YTHDC2: variants seen among roughly 807,000 people sequenced by gnomAD.
YTHDC2 encodes the protein 3'-5' RNA helicase YTHDC2.
Under a neutral mutation model 174.9 loss-of-function variants are expected in YTHDC2, and 45 were observed. The ratio of observed to expected loss-of-function variants is 0.26; its 90% CI spans 0.20 to 0.33. The LOEUF (loss-of-function observed/expected upper bound fraction) is 0.33, where lower values mean the gene tolerates loss of function less well. Ranked by LOEUF, YTHDC2 falls within the 10% of genes least tolerant of loss-of-function variation. The pLI is 1.00. For synonymous variants in YTHDC2, 657 were observed against 574.5 expected (o/e 1.14, Z -2.05); for missense variants, 1,650 against 1,723.7 (o/e 0.96, Z 0.76).
Position 113,553,245 on chromosome 5 carries a change from A to T in YTHDC2, c.1753A>T (p.Ser585Cys). The change falls in exon 13 of 30, where the codon AGT becomes TGT. Residue 585 changes from serine to cysteine, a missense_variant. Physicochemically the swap from Ser to Cys is moderately radical, Grantham distance 112. Coordinates refer to ENST00000161863, the MANE Select transcript of YTHDC2 (RefSeq NM_022828.5). ...GGTTCAAACAAATGGAAGTGACCTC[A>T]GTGCTGAAGACAGAGAGCTCCTGAA... Reference protein sequence around the residue: ...SLVQTNGSDLSAEDRELLKAY... With the variant: ...SLVQTNGSDLCAEDRELLKAY... 2.5e-6 allele frequency: 4 copies of T among 1,604,474 alleles called. No homozygotes were observed. Among genetic ancestry groups the T allele is most frequent in the Non-Finnish European group, 3.4e-6 (4 of 1,176,258 alleles).
Position 113,584,495 on chromosome 5 carries a change from A to C in YTHDC2, c.3825+16A>C, listed in dbSNP as rs531522176. 6.3e-7 allele frequency: 1 copy of C among 1,586,320 alleles called. No homozygotes were observed. The highest frequency in any genetic ancestry group is 1.3e-5 in the African/African-American group (1 of 74,276). ...CTCAGGAAAGGTAAGAGTATCTGAA[A>C]GAAAATGTAGTAAGGAACAGATTTG... On this transcript the variant is annotated intron_variant, in intron 26 of 29. Coordinates refer to ENST00000161863, the MANE Select transcript of YTHDC2 (RefSeq NM_022828.5).
chr5:113,519,283 G>A (rs1773699806), intron 2 of YTHDC2, among the ~76,000 whole-genome samples: 1 of 152,050 alleles, frequency 6.6e-6, no homozygotes, highest in Non-Finnish European at 1.5e-5. Context: ...TGAAATTCTA[G>A]TCAGGTTTCA....
At chr5:113,515,147 A>C in intron 1 of YTHDC2, 125 bp from the exon 2 acceptor site, 1 of 542,842 alleles carries the variant, frequency 1.8e-6, no homozygotes, top group South Asian at 3.4e-5. Flanking sequence ...TATAAAGTTA[A>C]CCTCAAATAA....
At chr5:113,556,426 CTTA>C (rs1246178503) in intron 17 of YTHDC2, 5 of 205,970 alleles carry the variant, frequency 2.4e-5, no homozygotes, top group Non-Finnish European at 4.8e-5. Context: ...AGCTAATTTC[CTTA>C]TTATATAAAG....
chr5:113,592,631 C>T (rs1176456211), intron 28 of YTHDC2: 1 of 152,446 alleles, frequency 6.6e-6, no homozygotes, highest in Non-Finnish European at 1.5e-5. Flanking sequence ...AAAATAGACT[C>T]AAAGATTAGT....
chr5:113,519,131 C>A lies in YTHDC2; in HGVS notation c.278+3769C>A, dbSNP rs76671301. On this transcript the variant is annotated intron_variant, in intron 2 of 29. Coordinates refer to ENST00000161863, the MANE Select transcript of YTHDC2 (RefSeq NM_022828.5). ...CAAGTGATCCTCCTGCCTAGGCCGC[C>A]CAAAGTATTGGGATTATAGGCCTGA... is the stretch of plus-strand genomic sequence containing the variant. Among the ~76,000 whole-genome samples, 974 of 152,132 alleles carry A rather than the reference C, an allele frequency of 6.4e-3. 7 individuals carry two copies. Among genetic ancestry groups the A allele is most frequent in the African/African-American group, 0.022 (907 of 41,488 alleles).
At position 113,584,289 on chromosome 5, in the gene YTHDC2, C is replaced by A; in HGVS notation, c.3648-13C>A. ...ATATATAACTGATCTTTGCTTCCTCCTTCTTGCTCAAGAGTACTGATGAAA... is the reference window on the plus strand; with the variant it reads ...ATATATAACTGATCTTTGCTTCCTCATTCTTGCTCAAGAGTACTGATGAAA... On this transcript the variant is annotated splice_polypyrimidine_tract_variant and intron_variant, in intron 25 of 29. Transcript: ENST00000161863. 1 of 1,599,144 alleles carries A rather than the reference C, an allele frequency of 6.3e-7. No homozygotes were observed. Among genetic ancestry groups the A allele is most frequent in the Non-Finnish European group, 8.5e-7 (1 of 1,172,570 alleles).
At chr5:113,520,699 T>C (rs1460362653) in intron 2 of YTHDC2, among the ~76,000 whole-genome samples, 6 of 152,180 alleles carry the variant, frequency 3.9e-5, no homozygotes, top group African/African-American at 1.4e-4. Context: ...TGGTTCTTTC[T>C]TATACATTAA....
At chr5:113,551,310 T>C (rs908796307) in intron 12 of YTHDC2, among the ~76,000 whole-genome samples, 5 of 152,094 alleles carry the variant, frequency 3.3e-5, no homozygotes, top group Non-Finnish European at 5.9e-5. Flanking sequence ...GTAAAGCGTT[T>C]ATCTGGATAA....
chr5:113,563,729 A>G lies in YTHDC2; in HGVS notation c.2443-130A>G, dbSNP rs543809453. ...CTTTTATATAGTATAATAGAAACGA[A>G]ATATATTTTTATGAGATGTAGTAGC... On this transcript the variant is annotated intron_variant, in intron 19 of 29. Coordinates refer to ENST00000161863, the MANE Select transcript of YTHDC2 (RefSeq NM_022828.5). 3.6e-6 allele frequency: 4 copies of G among 1,120,894 alleles called. No individual in the cohort carries two copies. The East Asian group carries it at 1.0e-4, about 29-fold the overall frequency. The allele number at this position is 1,120,894 out of a possible 1,614,324, so 69.4% of individuals were successfully genotyped here.
At chr5:113,534,116 A>G (rs1483099218) in intron 5 of YTHDC2, among the ~76,000 whole-genome samples, 189 bp from the exon 6 acceptor site, 2 of 152,214 alleles carry the variant, frequency 1.3e-5, no homozygotes, top group East Asian at 1.9e-4. Context: ...ATCATTTAAT[A>G]TAAAAGGCTA....
intron 6 of YTHDC2, among the ~76,000 whole-genome samples, 196 bp from the exon 7 acceptor site, chr5:113,535,446 A>C (rs1274344030): frequency 6.6e-6 from 1 of 152,108 alleles, no homozygotes; most frequent in African/African-American, 2.4e-5. Flanking sequence ...GGACAACTTT[A>C]CTTTGTCATC....
chr5:113,563,878 C>T lies in YTHDC2; in HGVS notation c.2462C>T (p.Thr821Ile), dbSNP rs376312348. 100 of 1,614,036 alleles carry T rather than the reference C, an allele frequency of 6.2e-5. No homozygotes were observed. Among genetic ancestry groups the T allele is most frequent in the Non-Finnish European group, 8.0e-5 (94 of 1,180,030 alleles). ...ACTTAGACAATAGATGCAATGGATA[C>T]ATGGGAAGATCTGACTGAACTTGGG... ...QMLKTIDAMD[T>I]WEDLTELGYH... The change falls in exon 20 of 30, where the codon ACA becomes ATA. Residue 821 changes from threonine (T) to isoleucine (I), a missense_variant. Transcript: ENST00000161863.
At chr5:113,538,354 C>T (rs1309355545) in intron 7 of YTHDC2, among the ~76,000 whole-genome samples, 1 of 152,128 alleles carries the variant, frequency 6.6e-6, no homozygotes, top group Admixed American at 6.5e-5. Context: ...CTTTGAATGA[C>T]TTTTACCTCA....
At chr5:113,588,597 C>CATTTATTTATTTATTT (rs139378923) in intron 26 of YTHDC2, among the ~76,000 whole-genome samples, 6 of 148,718 alleles carry the variant, frequency 4.0e-5, no homozygotes, top group African/African-American at 1.2e-4. Flanking sequence ...CTTATGAAGC[C>CATTTATTTATTTATTT]ATTTATTTAT....
intron 1 of YTHDC2, chr5:113,514,292 T>C (rs1296954480): frequency 2.8e-6 from 2 of 712,198 alleles, no homozygotes; most frequent in Admixed American, 4.0e-5. Flanking sequence ...TGCGGATCAA[T>C]GGGGTTATGG....
intron 2 of YTHDC2, among the ~76,000 whole-genome samples, chr5:113,521,770 A>T (rs1455786751): frequency 3.5e-4 from 53 of 149,584 alleles, no homozygotes; most frequent in African/African-American, 1.3e-3. Flanking sequence ...AAATAAATTT[A>T]CTGTAGGCAT....
rs185149614 is a variant in YTHDC2 at position 113,561,309 on chromosome 5, A to G, written c.2322+124A>G. The stretch of plus-strand genomic sequence containing the variant: ...AAAACAAAATTATTCAATATATATT[A>G]TGGAGGGTGGCTATGTCTATAACAA... On this transcript the variant is annotated intron_variant, in intron 18 of 29. Coordinates refer to ENST00000161863, the MANE Select transcript of YTHDC2 (RefSeq NM_022828.5). The G allele has an allele frequency of 2.9e-5, 18 of 628,016 alleles. No homozygotes were observed. In the African/African-American group the frequency reaches 2.9e-4, roughly 10 times the overall value. The allele number at this position is 628,016 out of a possible 1,614,324, so 38.9% of individuals were successfully genotyped here. A position where few individuals can be genotyped will look rare whatever the true frequency, so the allele number is the denominator to read the frequency against.
intron 26 of YTHDC2, among the ~76,000 whole-genome samples, chr5:113,589,407 AAATATATATATAT>A (rs1449456096): frequency 9.2e-6 from 1 of 108,670 alleles, no homozygotes; most frequent in Non-Finnish European, 1.8e-5. Flanking sequence ...AAAAAAAAAA[AAATATATATATAT>A]ATATATATAT....
Sources: allele counts gnomAD v4.1 joint callset (sites outside exome capture counted in the v4.1 genomes callset), GRCh38; gene constraint gnomAD v4.1.1; transcripts MANE v1.5; gene names NCBI Gene and HGNC (gene_info 2026-07-23, HGNC 2026-07-21).